The following NR1H3 variants were observed in gnomAD, a reference collection of about 807,000 sequenced individuals.
The protein encoded by NR1H3 is oxysterols receptor LXR-alpha.
Under a neutral mutation model 48.1 loss-of-function variants are expected in NR1H3, and 19 were observed. The observed-to-expected ratio is 0.40, with a 90% CI of 0.28 to 0.58. NR1H3 has a LOEUF of 0.58. Among genes scored for constraint, NR1H3 ranks in the 20% least tolerant of loss-of-function variants. The probability of loss-of-function intolerance (pLI) is 0.50; values close to 1 mark genes in which losing one functional copy is unlikely to be tolerated. For missense variants in NR1H3, 486 were observed against 595.9 expected (o/e 0.82, Z 1.92); for synonymous variants, 232 against 227.3 (o/e 1.02, Z -0.19).
chr11:47,264,473 C>G (rs952329322), intron 7 of NR1H3, among the ~76,000 whole-genome samples: 1 of 152,174 alleles, frequency 6.6e-6, no homozygotes, highest in Admixed American at 6.5e-5. Context: ...TGTATTGACA[C>G]CTAATGGGGT....
chr11:47,259,305 C>G, intron 2 of NR1H3, 46 bp downstream of exon 2: 1 of 1,613,404 alleles, frequency 6.2e-7, no homozygotes, highest in African/African-American at 1.3e-5. Flanking sequence ...ACCGCAGGCT[C>G]CACGCCTCCT....
At position 47,261,960 on chromosome 11, in the gene NR1H3, T is replaced by C. The variant is rs1045338031; in HGVS notation, c.930T>C (p.Ser310=). The change falls in exon 7 of 10, where the codon AGT becomes AGC. Residue 310 remains serine, a synonymous_variant. Coordinates refer to ENST00000441012, the MANE Select transcript of NR1H3 (RefSeq NM_005693.4). ...CATCTCGGAGGTACAACCCTGGGAG[T>C]GAGAGTATCACCTTCCTCAAGGATT... The part of the protein sequence containing the change: ...LETSRRYNPG[S]ESITFLKDFS... 9 of 1,613,680 alleles carry C rather than the reference T, an allele frequency of 5.6e-6. No individual in the cohort carries two copies. In the Admixed American group the frequency reaches 6.7e-5, roughly 12 times the overall value.
At position 47,260,566 on chromosome 11, in the gene NR1H3, G is replaced by A. The variant is rs34806350; in HGVS notation, c.390G>A (p.Ala130=). The part of the protein sequence containing the change: ...GFFRRSVIKG[A]HYICHSGGHC... ...TCCGCCGCAGCGTCATCAAGGGAGC[G>A]CACTACATCTGCCACAGTGGCGGCC... is the stretch of plus-strand genomic sequence containing the variant. The change falls in exon 4 of 10, where the codon GCG becomes GCA. Residue 130 remains alanine, a synonymous_variant. Transcript: ENST00000441012. The A allele has an allele frequency of 3.2e-5, 51 of 1,614,062 alleles. No homozygotes were observed. The highest frequency in any genetic ancestry group is 1.4e-5 in the Non-Finnish European group (17 of 1,180,054).
At position 47,268,305 on chromosome 11, in the gene NR1H3, C is replaced by T; in HGVS notation, c.1147C>T (p.His383Tyr). 1.2e-6 allele frequency: 2 copies of T among 1,614,168 alleles called. No individual in the cohort carries two copies. Among genetic ancestry groups the T allele is most frequent in the Non-Finnish European group, 1.7e-6 (2 of 1,180,018 alleles). ...QDQLQVERLQ[H>Y]TYVEALHAYV... ...CCAGCTCCAGGTAGAGAGGCTGCAG[C>T]ACACATATGTGGAAGCCCTGCATGC... Residue 383 changes from histidine (H) to tyrosine (Y), a missense_variant, in exon 9 of 10, where the codon CAC becomes TAC. Coordinates refer to ENST00000441012, the MANE Select transcript of NR1H3 (RefSeq NM_005693.4).
Position 47,268,827 on chromosome 11 carries a change from T to A in NR1H3, c.*131T>A. 8.5e-7 allele frequency: 1 copy of A among 1,180,734 alleles called. No individual in the cohort carries two copies. Among genetic ancestry groups the A allele is most frequent in the Non-Finnish European group, 1.2e-6 (1 of 844,320 alleles). 73.1% of individuals were successfully genotyped at this position (1,180,734 alleles called of 1,614,324 possible). A position where few individuals can be genotyped will look rare whatever the true frequency, so the allele number is the denominator to read the frequency against. The stretch of plus-strand genomic sequence containing the variant: ...GGGCAAGGAGATCCTCCCGTGGCAT[T>A]AAAAGAGAGTCAAAGGGTTGCGAGT... On this transcript the variant is annotated 3_prime_UTR_variant, in exon 10 of 10. Transcript: ENST00000441012.
upstream of NR1H3, among the ~76,000 whole-genome samples, chr11:47,256,747 T>TGG (rs748134433): frequency 2.7e-4 from 39 of 142,966 alleles, no homozygotes; most frequent in South Asian, 2.0e-3. Flanking sequence ...TTTTTTTTTT[T>TGG]GGGGACAGAG....
upstream of NR1H3, among the ~76,000 whole-genome samples, chr11:47,255,570 TTTC>T (rs1955033657): frequency 1.1e-5 from 1 of 89,018 alleles, no homozygotes; most frequent in South Asian, 4.2e-4. Flanking sequence ...TCTTTCTTTC[TTTC>T]TTTCTTTCTT....
chr11:47,248,430 CT>C, upstream of NR1H3: 1 of 1,539,458 alleles, frequency 6.5e-7, no homozygotes. Flanking sequence ...CCAAAGGCTT[CT>C]TTAGGGATGA....
At chr11:47,256,430 C>A (rs1468119790), upstream of NR1H3, among the ~76,000 whole-genome samples, 1 of 152,140 alleles carries the variant, frequency 6.6e-6, no homozygotes, top group African/African-American at 2.4e-5. Context: ...GTAACTTGCT[C>A]AATCAAGATC....
chr11:47,263,606 CTTTTTTT>C (rs563452264), intron 7 of NR1H3, among the ~76,000 whole-genome samples: 2 of 132,384 alleles, frequency 1.5e-5, no homozygotes, highest in Non-Finnish European at 3.2e-5. Context: ...TTTTTCTTTT[CTTTTTTT>C]TTTTTTTTGA....
chr11:47,261,959 G>A lies in NR1H3; in HGVS notation c.929G>A (p.Ser310Asn). ...LETSRRYNPG[S>N]ESITFLKDFS... ...ACATCTCGGAGGTACAACCCTGGGA[G>A]TGAGAGTATCACCTTCCTCAAGGAT... Residue 310 changes from serine (S) to asparagine (N), a missense_variant, in exon 7 of 10, where the codon AGT becomes AAT. Physicochemically the swap from Ser to Asn is conservative, Grantham distance 46. Transcript: ENST00000441012. 1.2e-6 allele frequency: 2 copies of A among 1,614,210 alleles called. No individual in the cohort carries two copies. The highest frequency in any genetic ancestry group is 1.1e-5 in the South Asian group (1 of 91,080).
chr11:47,268,722 T>C lies in NR1H3; in HGVS notation c.*26T>C, dbSNP rs1591282544. 6.2e-7 allele frequency: 1 copy of C among 1,608,336 alleles called. No homozygotes were observed. The highest frequency in any genetic ancestry group is 8.5e-7 in the Non-Finnish European group (1 of 1,176,258). The stretch of plus-strand genomic sequence containing the variant: ...CTGTTCTGTCCCCATATTTTCTGTT[T>C]TCTTGGCCGGATGGCTGAGGCCTGG... On this transcript the variant is annotated 3_prime_UTR_variant, in exon 10 of 10. Transcript: ENST00000441012.
In NR1H3 at chr11:47,268,247, T is replaced by C. The variant is rs1425908797; in HGVS notation, c.1103-14T>C. 3.1e-6 allele frequency: 5 copies of C among 1,613,232 alleles called. No homozygotes were observed. The African/African-American group carries it at 6.7e-5, about 22-fold the overall frequency. On this transcript the variant is annotated splice_polypyrimidine_tract_variant and intron_variant, in intron 8 of 9. Transcript: ENST00000441012. Reference sequence around the variant, plus strand: ...TGGCCAGACCTGCTCCTCAACTCTCTTGGTGACCTATAGACCGGCCCAACG... The same window carrying C: ...TGGCCAGACCTGCTCCTCAACTCTCCTGGTGACCTATAGACCGGCCCAACG...
At chr11:47,255,599 C>CTTTCTTTCTT (rs1443017528), upstream of NR1H3, among the ~76,000 whole-genome samples, 4 of 90,422 alleles carry the variant, frequency 4.4e-5, no homozygotes, top group South Asian at 4.1e-4. Context: ...CTTTCTTTCT[C>CTTTCTTTCTT]TCTCTCTCTC....
At chr11:47,252,075 A>C (rs887893459) in intron 1 of NR1H3, among the ~76,000 whole-genome samples, 3 of 152,168 alleles carry the variant, frequency 2.0e-5, no homozygotes, top group Admixed American at 2.0e-4. Context: ...AAAGAAAAAA[A>C]AAAAACACAT....
chr11:47,260,775 C>T, intron 4 of NR1H3, 100 bp downstream of exon 4: 1 of 1,392,372 alleles, frequency 7.2e-7, no homozygotes, highest in Non-Finnish European at 9.6e-7. Flanking sequence ...CTAACTGATC[C>T]CTAAGTATGG....
rs1033525069 is a variant in NR1H3 at position 47,268,755 on chromosome 11, C to T, written c.*59C>T. On this transcript the variant is annotated 3_prime_UTR_variant, in exon 10 of 10. Coordinates refer to ENST00000441012, the MANE Select transcript of NR1H3 (RefSeq NM_005693.4). ...CGGATGGCTGAGGCCTGGTGGCTGC[C>T]TCCTAGAAGTGGAACAGACTGAGAA... 3.0e-5 allele frequency: 48 copies of T among 1,582,678 alleles called. No individual in the cohort carries two copies. Among genetic ancestry groups the T allele is most frequent in the Non-Finnish European group, 4.0e-5 (47 of 1,162,594 alleles).
chr11:47,251,473 G>C (rs979698882), intron 1 of NR1H3, among the ~76,000 whole-genome samples: 1 of 152,044 alleles, frequency 6.6e-6, no homozygotes, highest in Non-Finnish European at 1.5e-5. Context: ...TTAGCCAGTC[G>C]TGGTGGCGTG....
At chr11:47,259,528 T>C in intron 2 of NR1H3, 1 of 1,504,826 alleles carries the variant, frequency 6.6e-7, no homozygotes, top group Non-Finnish European at 8.9e-7. Flanking sequence ...TTTGAAGAGT[T>C]TTATCTGATC....
Sources: allele counts gnomAD v4.1 joint callset (sites outside exome capture counted in the v4.1 genomes callset), GRCh38; gene constraint gnomAD v4.1.1; transcripts MANE v1.5; gene names NCBI Gene and HGNC (gene_info 2026-07-23, HGNC 2026-07-21).